The following ABCC2 variants were observed in gnomAD, a reference collection of about 807,000 sequenced individuals.
ABCC2 encodes the protein ATP binding cassette subfamily C member 2, also known as ATP-binding cassette sub-family C member 2.
A neutral mutation model predicts 173.4 loss-of-function variants in ABCC2; 157 were observed. The ratio of observed to expected loss-of-function variants is 0.91; its 90% CI spans 0.80 to 1.03. The LOEUF is 1.03. ABCC2 is among the 50% of genes least tolerant of loss of function. ABCC2 has a pLI of 0.00. For missense variants in ABCC2, 1,822 were observed against 1,852.3 expected (o/e 0.98, Z 0.30); for synonymous variants, 657 against 693.5 (o/e 0.95, Z 0.83).
At chr10:99,792,194 G>A in intron 2 of ABCC2, 40 bp from the exon 3 acceptor site, 2 of 1,612,608 alleles carry the variant, frequency 1.2e-6, no homozygotes, top group Non-Finnish European at 1.7e-6. Flanking sequence ...GCCTTATAAA[G>A]AATGATATCC....
Position 99,851,695 on chromosome 10 carries a change from T to A in ABCC2, c.*64T>A. On this transcript the variant is annotated 3_prime_UTR_variant, in exon 32 of 32. Transcript: ENST00000647814. ...ATTTCTTATTTAATTTTATTTTTTA[T>A]AAAATACAGAATACATACAAAAGTG... is the stretch of plus-strand genomic sequence containing the variant. 6.9e-7 allele frequency: 1 copy of A among 1,442,860 alleles called. No individual in the cohort carries two copies. The highest frequency in any genetic ancestry group is 9.5e-7 in the Non-Finnish European group (1 of 1,055,332). The allele number at this position is 1,442,860 out of a possible 1,614,324, so 89.4% of individuals were successfully genotyped here.
rs767694433 is a variant in ABCC2 at position 99,845,675 on chromosome 10, C to T, written c.4039C>T (p.Leu1347Phe). ...GAGKSSLTNC[L>F]FRILEAAGGQ... Reference sequence around the variant, plus strand: ...TGGAAAGTCATCCCTCACAAACTGCCTCTTCAGAATCTTAGAGGCTGCCGG... The same window carrying T: ...TGGAAAGTCATCCCTCACAAACTGCTTCTTCAGAATCTTAGAGGCTGCCGG... The change falls in exon 29 of 32, where the codon CTC becomes TTC. Residue 1347 changes from leucine to phenylalanine, a missense_variant. By Grantham distance (22) the Leu-to-Phe change is conservative. Coordinates refer to ENST00000647814, the MANE Select transcript of ABCC2 (RefSeq NM_000392.5). The T allele has an allele frequency of 2.5e-6, 4 of 1,614,062 alleles. No individual in the cohort carries two copies. Among genetic ancestry groups the T allele is most frequent in the Middle Eastern group, 3.3e-4 (2 of 6,062 alleles).
chr10:99,822,822 T>C (rs139276668), intron 19 of ABCC2, among the ~76,000 whole-genome samples: 6,869 of 152,314 alleles, frequency 0.045, 179 homozygotes, highest in Middle Eastern at 0.17. Context: ...CTTTCAACTA[T>C]GGCCTGTCCT....
chr10:99,836,666 C>G (rs1212013952), intron 25 of ABCC2, among the ~76,000 whole-genome samples: 2 of 152,156 alleles, frequency 1.3e-5, no homozygotes, highest in Non-Finnish European at 2.9e-5. Flanking sequence ...TGAACATCCT[C>G]TGTTTACTTT....
At chr10:99,840,456 C>T (rs1253855630) in intron 25 of ABCC2, among the ~76,000 whole-genome samples, 3 of 139,796 alleles carry the variant, frequency 2.1e-5, no homozygotes, top group Admixed American at 2.1e-4. Context: ...CCTTCTGGGG[C>T]CTCCGGCGCC....
In ABCC2 at chr10:99,851,673, T is replaced by G. The variant is rs1205846881; in HGVS notation, c.*42T>G. The G allele has an allele frequency of 1.6e-5, 25 of 1,553,480 alleles. No homozygotes were observed. The highest frequency in any genetic ancestry group is 2.2e-5 in the Non-Finnish European group (25 of 1,139,212). On this transcript the variant is annotated 3_prime_UTR_variant, in exon 32 of 32. Transcript: ENST00000647814. The stretch of plus-strand genomic sequence containing the variant: ...TTAGAAAAGGACTATAAGAATAATT[T>G]CTTATTTAATTTTATTTTTTATAAA...
chr10:99,824,623 T>A (rs1182879708), intron 19 of ABCC2, among the ~76,000 whole-genome samples: 2 of 151,160 alleles, frequency 1.3e-5, no homozygotes, highest in Non-Finnish European at 3.0e-5. Context: ...ATGGCTGGTA[T>A]AGTAAAGGCA....
intron 17 of ABCC2, 77 bp downstream of exon 17, chr10:99,817,561 C>T: frequency 3.4e-6 from 5 of 1,476,740 alleles, no homozygotes; most frequent in Non-Finnish European, 4.7e-6. Flanking sequence ...TGAAGAACTA[C>T]ACAGGGGTAA....
chr10:99,802,443 G>A (rs74987029), intron 9 of ABCC2, among the ~76,000 whole-genome samples: 1,908 of 151,108 alleles, frequency 0.013, 49 homozygotes, highest in African/African-American at 0.044. Flanking sequence ...TGTATTTATT[G>A]AAAATAGAAA....
At chr10:99,844,856 C>T (rs1279973016) in intron 28 of ABCC2, among the ~76,000 whole-genome samples, 1 of 152,036 alleles carries the variant, frequency 6.6e-6, no homozygotes, top group Non-Finnish European at 1.5e-5. Context: ...AGTTCTCCTC[C>T]CAGTCTTCAA....
rs758958150 is a variant in ABCC2, at chr10:99,818,816, G to A, written c.2298G>A (p.Lys766=). 6.2e-7 allele frequency: 1 copy of A among 1,614,166 alleles called. No individual in the cohort carries two copies. The highest frequency in any genetic ancestry group is 1.1e-5 in the South Asian group (1 of 91,078). The part of the protein sequence containing the change: ...EKGINLSGGQ[K]QRISLARATY... ...GTATAAATCTTAGTGGGGGTCAGAA[G>A]CAGCGGATCAGCCTGGCCAGAGCTA... The change falls in exon 18 of 32, where the codon AAG becomes AAA. Residue 766 remains lysine (K), a synonymous_variant. Coordinates refer to ENST00000647814, the MANE Select transcript of ABCC2 (RefSeq NM_000392.5).
intron 7 of ABCC2, chr10:99,797,619 A>G: frequency 5.1e-6 from 2 of 394,200 alleles, no homozygotes; most frequent in South Asian, 5.1e-5. Flanking sequence ...GGTACAAATT[A>G]GCATAAGCAG....
intron 26 of ABCC2, 141 bp downstream of exon 26, chr10:99,842,234 C>T: frequency 2.5e-6 from 3 of 1,187,356 alleles, no homozygotes; most frequent in Non-Finnish European, 2.4e-6. Context: ...ACCCTGGCTC[C>T]ATCTTTTACC....
chr10:99,828,337 G>T (rs376787158), intron 19 of ABCC2, among the ~76,000 whole-genome samples: 436 of 152,156 alleles, frequency 2.9e-3, no homozygotes, highest in African/African-American at 9.5e-3. Context: ...GGACTTGGTG[G>T]AATGAAGAGA....
intron 19 of ABCC2, among the ~76,000 whole-genome samples, chr10:99,823,408 G>A (rs1246802259): frequency 6.6e-6 from 1 of 151,950 alleles, no homozygotes; most frequent in African/African-American, 2.4e-5. Context: ...ACAGTTTATT[G>A]TAATAAATTG....
intron 19 of ABCC2, among the ~76,000 whole-genome samples, chr10:99,828,093 T>C (rs889555115): frequency 5.4e-5 from 8 of 149,260 alleles, no homozygotes; most frequent in Middle Eastern, 3.2e-3. Context: ...CGTAAGAAAA[T>C]TGGGCAGTTT....
intron 25 of ABCC2, 147 bp downstream of exon 25, chr10:99,836,437 G>T: frequency 1.1e-6 from 1 of 924,332 alleles, no homozygotes; most frequent in Non-Finnish European, 1.7e-6. Context: ...AGAGAAGAAA[G>T]CATGAGCTTT....
chr10:99,845,761 G>T lies in ABCC2; in HGVS notation c.4125G>T (p.Glu1375Asp). 1 of 1,612,894 alleles carries T rather than the reference G, an allele frequency of 6.2e-7. No individual in the cohort carries two copies. The highest frequency in any genetic ancestry group is 8.5e-7 in the Non-Finnish European group (1 of 1,179,748). The change falls in exon 29 of 32, where the codon GAG becomes GAT. Residue 1375 changes from glutamate (E) to aspartate (D), a missense_variant. Transcript: ENST00000647814. ...CCATTGGGCTCCACGACCTCCGAGA[G>T]AAGCTGACCATCATCCCCCAGGTGA... is the stretch of plus-strand genomic sequence containing the variant. ...IASIGLHDLR[E>D]KLTIIPQDPI...
At chr10:99,835,835 C>CA (rs1308082872) in intron 24 of ABCC2, among the ~76,000 whole-genome samples, 1 of 152,138 alleles carries the variant, frequency 6.6e-6, no homozygotes, top group Admixed American at 6.5e-5. Context: ...TTTGGAGACT[C>CA]AAAGCTCTGA....
Sources: gnomAD v4.1 joint callset for allele counts (sites outside exome capture counted in the v4.1 genomes callset) on GRCh38, gnomAD v4.1.1 for gene constraint, MANE v1.5 for transcripts, NCBI Gene and HGNC (gene_info 2026-07-23, HGNC 2026-07-21) for gene names.